Variants in CNTNAP2 observed in about 807,000 individuals in gnomAD.
The protein encoded by CNTNAP2 is contactin associated protein 2, also known as contactin-associated protein-like 2.
CNTNAP2 carries 98 observed loss-of-function variants against 155.2 expected under a neutral mutation model. The observed-to-expected ratio is 0.63, with a 90% CI of 0.54 to 0.75. The LOEUF (loss-of-function observed/expected upper bound fraction) is 0.75, where lower values mean the gene tolerates loss of function less well. Ranked by LOEUF, CNTNAP2 falls within the 30% of genes least tolerant of loss-of-function variation. The pLI is 0.00. For missense variants in CNTNAP2, 1,727 were observed against 1,688.1 expected, an observed-to-expected ratio of 1.02 and a Z score of -0.40; for synonymous variants, 651 against 631.2, an observed-to-expected ratio of 1.03 and a Z score of -0.47.
chr7:147,920,024 A>C (rs941120617), intron 14 of CNTNAP2, among the ~76,000 whole-genome samples: 2 of 152,060 alleles, frequency 1.3e-5, no homozygotes, highest in African/African-American at 4.8e-5. Context: ...ATTGGTATAG[A>C]GTGAAAGTTC....
chr7:146,163,922 G>A (rs376679666), intron 1 of CNTNAP2, among the ~76,000 whole-genome samples: 1 of 152,006 alleles, frequency 6.6e-6, no homozygotes, highest in South Asian at 2.1e-4. Flanking sequence ...TCAGACTGAT[G>A]GTTCGGAATC....
chr7:146,861,618 T>C (rs959434788), intron 3 of CNTNAP2, among the ~76,000 whole-genome samples: 3 of 152,046 alleles, frequency 2.0e-5, no homozygotes, highest in African/African-American at 7.2e-5. Context: ...AACCATAAAA[T>C]TCCCCTCCTA....
At chr7:147,747,335 T>C (rs1473944926) in intron 13 of CNTNAP2, among the ~76,000 whole-genome samples, 1 of 152,236 alleles carries the variant, frequency 6.6e-6, no homozygotes, top group Non-Finnish European at 1.5e-5. Flanking sequence ...TTCTTTCTTT[T>C]TGTGTTTGAA....
chr7:147,396,442 G>A (rs561822581), intron 10 of CNTNAP2, among the ~76,000 whole-genome samples: 1 of 151,652 alleles, frequency 6.6e-6, no homozygotes, highest in East Asian at 1.9e-4. Flanking sequence ...GTGCAAGATG[G>A]GTATTTATGA....
intron 3 of CNTNAP2, among the ~76,000 whole-genome samples, chr7:146,867,738 T>C (rs1003641827): frequency 1.1e-4 from 16 of 151,822 alleles, no homozygotes; most frequent in African/African-American, 3.9e-4. Context: ...TGGTATCTCA[T>C]TGTGGTTTTG....
At chr7:146,644,505 C>T (rs1342740056) in intron 1 of CNTNAP2, among the ~76,000 whole-genome samples, 1 of 151,950 alleles carries the variant, frequency 6.6e-6, no homozygotes, top group Admixed American at 6.6e-5. Context: ...GGGATGAAGC[C>T]CTCTTGATCA....
intron 8 of CNTNAP2, among the ~76,000 whole-genome samples, chr7:147,288,708 C>A (rs573099948): frequency 1.3e-4 from 20 of 152,136 alleles, no homozygotes; most frequent in African/African-American, 4.6e-4. Flanking sequence ...TGAATATTTT[C>A]TCTGTTATAC....
chr7:147,578,478 TC>T (rs1800439816), intron 12 of CNTNAP2, among the ~76,000 whole-genome samples: 1 of 152,104 alleles, frequency 6.6e-6, no homozygotes, highest in Non-Finnish European at 1.5e-5. Flanking sequence ...TTGATTGCTC[TC>T]CCATTAACGG....
chr7:146,720,820 T>A (rs73168722), intron 1 of CNTNAP2, among the ~76,000 whole-genome samples: 5,085 of 149,502 alleles, frequency 0.034, 123 homozygotes, highest in East Asian at 0.12. Context: ...AAAACTAATC[T>A]TTTGAAAGCT....
chr7:146,756,729 A>C (rs1282580572), intron 1 of CNTNAP2, among the ~76,000 whole-genome samples: 1 of 152,010 alleles, frequency 6.6e-6, no homozygotes, highest in Non-Finnish European at 1.5e-5. Flanking sequence ...TAGGTCCTCT[A>C]ATTCTAAATA....
chr7:147,804,102 C>T (rs1321947365), intron 13 of CNTNAP2, among the ~76,000 whole-genome samples: 1 of 152,176 alleles, frequency 6.6e-6, no homozygotes, highest in Non-Finnish European at 1.5e-5. Context: ...GAATTATGAT[C>T]TAGTCTAGTT....
intron 8 of CNTNAP2, among the ~76,000 whole-genome samples, chr7:147,145,006 T>TA (rs1563092569): frequency 9.2e-5 from 14 of 152,178 alleles, no homozygotes; most frequent in African/African-American, 3.4e-4. Flanking sequence ...TTTGAATGAT[T>TA]TAGAATAGAA....
At chr7:147,487,559 A>G (rs1284430922) in intron 11 of CNTNAP2, among the ~76,000 whole-genome samples, 1 of 152,218 alleles carries the variant, frequency 6.6e-6, no homozygotes, top group Non-Finnish European at 1.5e-5. Flanking sequence ...CTGAAATACG[A>G]TAATGCTAAC....
intron 10 of CNTNAP2, among the ~76,000 whole-genome samples, chr7:147,418,448 A>G (rs756414811): frequency 2.0e-5 from 3 of 152,208 alleles, no homozygotes; most frequent in Non-Finnish European, 4.4e-5. Flanking sequence ...GAACAAATAA[A>G]GTCACACCAA....
intron 8 of CNTNAP2, among the ~76,000 whole-genome samples, chr7:147,245,169 G>C (rs2116646424): frequency 6.6e-6 from 1 of 151,936 alleles, no homozygotes; most frequent in South Asian, 2.1e-4. Flanking sequence ...TTTTGCCCTT[G>C]CTGGCCCTCA....
At chr7:147,141,360 C>A (rs915944131) in intron 8 of CNTNAP2, among the ~76,000 whole-genome samples, 1 of 151,966 alleles carries the variant, frequency 6.6e-6, no homozygotes, top group African/African-American at 2.4e-5. Flanking sequence ...AATTGCTGAC[C>A]TATTTGTTAG....
chr7:148,309,493 G>T (rs910507991), intron 21 of CNTNAP2, among the ~76,000 whole-genome samples: 2 of 152,192 alleles, frequency 1.3e-5, no homozygotes, highest in African/African-American at 4.8e-5. Context: ...CTGGGTGCAG[G>T]CGGGCTGAGT....
chr7:148,143,451 G>A lies in CNTNAP2; in HGVS notation c.2555-4040G>A, dbSNP rs145776110. On this transcript the variant is annotated intron_variant, in intron 16 of 23. Coordinates refer to ENST00000361727, the MANE Select transcript of CNTNAP2 (RefSeq NM_014141.6). ...CCTAGCACACTGGGAGTCTGAGATG[G>A]GTGGATAGCTTGAGCCCACGATTTC... is the stretch of plus-strand genomic sequence containing the variant. Among the ~76,000 whole-genome samples the A allele has an allele frequency of 2.2e-3, 332 of 152,218 alleles. 1 individual carries two copies. Among genetic ancestry groups the A allele is most frequent in the African/African-American group, 7.5e-3 (313 of 41,518 alleles).
intron 13 of CNTNAP2, among the ~76,000 whole-genome samples, chr7:147,768,487 A>G (rs974206463): frequency 1.5e-4 from 23 of 152,118 alleles, no homozygotes; most frequent in African/African-American, 5.5e-4. Flanking sequence ...TGAGTGACTG[A>G]AAAGATAAAT....
Sources: allele counts gnomAD v4.1 joint callset (sites outside exome capture counted in the v4.1 genomes callset), GRCh38; gene constraint gnomAD v4.1.1; transcripts MANE v1.5; gene names NCBI Gene and HGNC (gene_info 2026-07-23, HGNC 2026-07-21).